The following GPC5 variants were observed in gnomAD, a reference collection of about 807,000 sequenced individuals.
The protein encoded by GPC5 is glypican 5.
Under a neutral mutation model 53.9 loss-of-function variants are expected in GPC5, and 47 were observed. The observed-to-expected ratio is 0.87, with a 90% CI of 0.69 to 1.11. The LOEUF (loss-of-function observed/expected upper bound fraction) is 1.11. GPC5 is among the 50% of genes most tolerant of loss of function. GPC5 has a pLI of 0.00. For missense variants in GPC5, 748 were observed against 713.1 expected (o/e 1.05, Z -0.56); for synonymous variants, 286 against 263.3 (o/e 1.09, Z -0.84).
intron 7 of GPC5, among the ~76,000 whole-genome samples, chr13:92,634,346 T>C (rs1192665702): frequency 1.3e-5 from 2 of 152,136 alleles, no homozygotes. Context: ...TGAACTCTGG[T>C]ATCTATTCTG....
At chr13:92,490,012 G>A (rs936316574) in intron 7 of GPC5, among the ~76,000 whole-genome samples, 38 of 152,014 alleles carry the variant, frequency 2.5e-4, no homozygotes, top group African/African-American at 8.9e-4. Flanking sequence ...TTTAACATGT[G>A]CTTCTTCCTC....
chr13:92,803,602 C>T (rs575561976), intron 7 of GPC5, among the ~76,000 whole-genome samples: 20 of 152,020 alleles, frequency 1.3e-4, no homozygotes, highest in Admixed American at 1.2e-3. Context: ...TTAACAGCTT[C>T]ATCTTCACTA....
chr13:92,126,712 A>T (rs1253841730), intron 6 of GPC5, among the ~76,000 whole-genome samples: 1 of 152,200 alleles, frequency 6.6e-6, no homozygotes, highest in Non-Finnish European at 1.5e-5. Context: ...GGTCTCCATC[A>T]TAAAATGGAT....
intron 7 of GPC5, among the ~76,000 whole-genome samples, chr13:92,249,533 A>T (rs1406941679): frequency 6.6e-6 from 1 of 151,954 alleles, no homozygotes; most frequent in African/African-American, 2.4e-5. Context: ...GAATTTATTT[A>T]TGTGTGTTTA....
At chr13:91,998,400 A>T (rs1392451221) in intron 6 of GPC5, among the ~76,000 whole-genome samples, 1 of 152,028 alleles carries the variant, frequency 6.6e-6, no homozygotes, top group Non-Finnish European at 1.5e-5. Flanking sequence ...ACATACACAC[A>T]CCCTGTTAGA....
chr13:92,663,856 CTATAT>C (rs1490728668), intron 7 of GPC5, among the ~76,000 whole-genome samples: 1 of 88,340 alleles, frequency 1.1e-5, no homozygotes, highest in African/African-American at 4.8e-5. Context: ...CACACACACA[CTATAT>C]ATATATATAT....
intron 7 of GPC5, among the ~76,000 whole-genome samples, chr13:92,666,784 C>T (rs141280368): frequency 6.6e-6 from 1 of 152,162 alleles, no homozygotes; most frequent in Non-Finnish European, 1.5e-5. Context: ...CTTAAATTTC[C>T]AGTACTGCAC....
At chr13:91,662,038 G>A (rs1594395593) in intron 2 of GPC5, among the ~76,000 whole-genome samples, 2 of 152,236 alleles carry the variant, frequency 1.3e-5, no homozygotes, top group East Asian at 3.9e-4. Context: ...ATACACAATT[G>A]GGAGTCATTG....
At chr13:92,449,919 G>A (rs901068907) in intron 7 of GPC5, among the ~76,000 whole-genome samples, 4 of 151,714 alleles carry the variant, frequency 2.6e-5, no homozygotes, top group African/African-American at 9.7e-5. Flanking sequence ...TAAAAAGCAC[G>A]GCCCCAAAGA....
chr13:91,742,456 T>C (rs867969262), intron 4 of GPC5, among the ~76,000 whole-genome samples: 6 of 152,328 alleles, frequency 3.9e-5, no homozygotes, highest in Middle Eastern at 3.4e-3. Flanking sequence ...AAAAAATTAA[T>C]GGCCATTTCA....
At chr13:92,576,044 G>A (rs1430091133) in intron 7 of GPC5, among the ~76,000 whole-genome samples, 1 of 152,132 alleles carries the variant, frequency 6.6e-6, no homozygotes, top group East Asian at 1.9e-4. Flanking sequence ...ATAAAGGTGT[G>A]TATGTGTATG....
At chr13:92,001,859 A>G (rs1210495732) in intron 6 of GPC5, among the ~76,000 whole-genome samples, 1 of 152,180 alleles carries the variant, frequency 6.6e-6, no homozygotes, top group Non-Finnish European at 1.5e-5. Flanking sequence ...GGCATATTAA[A>G]CTACTTACTT....
chr13:92,353,695 G>A (rs1171205996), intron 7 of GPC5, among the ~76,000 whole-genome samples: 2 of 152,098 alleles, frequency 1.3e-5, no homozygotes, highest in South Asian at 2.1e-4. Context: ...AAAAGTTTAA[G>A]ATTATTTCAA....
At chr13:92,794,218 G>A (rs1316322688) in intron 7 of GPC5, among the ~76,000 whole-genome samples, 1 of 152,124 alleles carries the variant, frequency 6.6e-6, no homozygotes, top group South Asian at 2.1e-4. Flanking sequence ...GGGATGCAAG[G>A]TTGGTTCGAC....
intron 7 of GPC5, among the ~76,000 whole-genome samples, chr13:92,498,133 G>C (rs1283387867): frequency 6.6e-6 from 1 of 151,986 alleles, no homozygotes; most frequent in Admixed American, 6.6e-5. Context: ...CTTAGGGCAG[G>C]AATGAAAGGA....
intron 7 of GPC5, among the ~76,000 whole-genome samples, chr13:92,210,541 G>C (rs2042367626): frequency 6.6e-6 from 1 of 152,076 alleles, no homozygotes; most frequent in Non-Finnish European, 1.5e-5. Context: ...GCGAACTAGT[G>C]AACCTCTCCA....
intron 5 of GPC5, among the ~76,000 whole-genome samples, chr13:91,853,935 ATT>A: frequency 6.6e-6 from 1 of 151,866 alleles, no homozygotes; most frequent in Non-Finnish European, 1.5e-5. Context: ...ATGAACTTTT[ATT>A]GATTTGTATT....
intron 6 of GPC5, among the ~76,000 whole-genome samples, chr13:92,025,846 T>C (rs9560901): frequency 0.4 from 60,266 of 152,044 alleles, 12,802 homozygotes; most frequent in Admixed American, 0.5. Context: ...TCTGAGGCAG[T>C]GGTGTATACA....
intron 5 of GPC5, among the ~76,000 whole-genome samples, chr13:91,769,921 T>C (rs1255038663): frequency 1.3e-5 from 2 of 152,148 alleles, no homozygotes; most frequent in Non-Finnish European, 2.9e-5. Context: ...CACACTAACC[T>C]GAGTTACCAC....
Sources: gnomAD v4.1 joint callset for allele counts (sites outside exome capture counted in the v4.1 genomes callset) on GRCh38, gnomAD v4.1.1 for gene constraint, MANE v1.5 for transcripts, NCBI Gene and HGNC (gene_info 2026-07-23, HGNC 2026-07-21) for gene names.